MAPKAPK5: variants seen among roughly 807,000 people sequenced by gnomAD.
The protein encoded by MAPKAPK5 is MAP kinase-activated protein kinase 5.
Under a neutral mutation model 65.1 loss-of-function variants are expected in MAPKAPK5, and 30 were observed. The observed-to-expected ratio is 0.46, with a 90% confidence interval of 0.34 to 0.63. The LOEUF (loss-of-function observed/expected upper bound fraction) is 0.63. MAPKAPK5 is among the 20% of genes least tolerant of loss of function. The pLI is 0.01. For missense variants in MAPKAPK5, 433 were observed against 581.4 expected (o/e 0.74, Z 2.63); for synonymous variants, 179 against 204.6 (o/e 0.87, Z 1.07).
Position 111,899,787 on chromosome 12 carries a change from A to C in MAPKAPK5, c.*6726A>C. On this transcript the variant is annotated 3_prime_UTR_variant, in exon 14 of 14. Coordinates refer to ENST00000550735, the MANE Select transcript of MAPKAPK5 (RefSeq NM_003668.4). ...CAGGGGCACATCCTCCTGATTAAGGAGGAAAAATCTTACAGCATTGAGCCC... is the reference window on the plus strand; with the variant it reads ...CAGGGGCACATCCTCCTGATTAAGGCGGAAAAATCTTACAGCATTGAGCCC... 4 of 384,560 alleles carry C rather than the reference A, an allele frequency of 1.0e-5. No homozygotes were observed. Among genetic ancestry groups the C allele is most frequent in the South Asian group, 7.5e-5 (4 of 53,364 alleles). The allele number at this position is 384,560 out of a possible 1,614,324, so 23.8% of individuals were successfully genotyped here. A position where few individuals can be genotyped will look rare whatever the true frequency, so the allele number is the denominator to read the frequency against.
chr12:111,842,874 A>G, intron 1 of MAPKAPK5, 105 bp downstream of exon 1: 2 of 1,143,406 alleles, frequency 1.7e-6, no homozygotes, highest in Non-Finnish European at 2.2e-6. Flanking sequence ...TCCATCGACT[A>G]CCGGGTTTCG....
intron 1 of MAPKAPK5, among the ~76,000 whole-genome samples, chr12:111,860,538 C>T (rs1411185605): frequency 1.3e-5 from 2 of 152,170 alleles, no homozygotes; most frequent in Non-Finnish European, 2.9e-5. Flanking sequence ...TTCTTCCTCA[C>T]CCCAAATTGA....
chr12:111,873,270 T>G (rs562294763), intron 7 of MAPKAPK5, among the ~76,000 whole-genome samples: 1 of 152,310 alleles, frequency 6.6e-6, no homozygotes, highest in African/African-American at 2.4e-5. Context: ...TGGTAAAATG[T>G]TTTTTACAAA....
rs544183632 is a variant in MAPKAPK5, at chr12:111,864,144, G to A, written c.37-1106G>A. Reference sequence around the variant, plus strand: ...AAAAAAATTAGCCAGATGCTGTGGTGTGTGCCTGTTTTCCTAGTTACTTGG... The same window carrying A: ...AAAAAAATTAGCCAGATGCTGTGGTATGTGCCTGTTTTCCTAGTTACTTGG... On this transcript the variant is annotated intron_variant, in intron 1 of 13. Coordinates refer to ENST00000550735, the MANE Select transcript of MAPKAPK5 (RefSeq NM_003668.4). Among the ~76,000 whole-genome samples the A allele has an allele frequency of 9.2e-5, 14 of 152,082 alleles. No homozygotes were observed. The South Asian group carries it at 2.9e-3, about 32-fold the overall frequency.
At chr12:111,874,910 G>A (rs1185592622) in intron 7 of MAPKAPK5, among the ~76,000 whole-genome samples, 1 of 151,680 alleles carries the variant, frequency 6.6e-6, no homozygotes, top group Non-Finnish European at 1.5e-5. Flanking sequence ...GAGTAGCTGG[G>A]ACTACAGGCG....
rs1019526484 is a variant in MAPKAPK5 at position 111,883,727 on chromosome 12, G to A, written c.807G>A (p.Glu269=). The A allele has an allele frequency of 5.6e-6, 9 of 1,613,892 alleles. No individual in the cohort carries two copies. In the African/African-American group the frequency reaches 8.0e-5, roughly 14 times the overall value. ...GCAGTTTTGAGTTCCCAGAGGAAGA[G>A]TGGAGTCAGATCTCAGAGATGGCCA... ...MTGSFEFPEE[E]WSQISEMAKD... Residue 269 remains glutamate, a synonymous_variant, in exon 9 of 14, where the codon GAG becomes GAA. Transcript: ENST00000550735. The surrounding 1 kb of genome is among the most constrained non-coding windows in gnomAD (Gnocchi z 4.8).
At chr12:111,868,451 TGGGAAA>T (rs2069677890) in intron 4 of MAPKAPK5, among the ~76,000 whole-genome samples, 1 of 151,938 alleles carries the variant, frequency 6.6e-6, no homozygotes, top group Non-Finnish European at 1.5e-5. Flanking sequence ...TAAAAACAAA[TGGGAAA>T]TCAAACAAAT....
chr12:111,897,808 T>C lies in MAPKAPK5; in HGVS notation c.*4747T>C, dbSNP rs1252104840. 1.3e-5 allele frequency: 2 copies of C among 152,172 alleles called. No homozygotes were observed. Among genetic ancestry groups the C allele is most frequent in the Non-Finnish European group, 2.9e-5 (2 of 68,032 alleles). 9.4% of individuals were successfully genotyped at this position (152,172 alleles called of 1,614,324 possible). ...TCTCATGCTGTTATCTAAGATCTTA[T>C]GCTACCATTACATTCCTTTCTGTAG... is the stretch of plus-strand genomic sequence containing the variant. On this transcript the variant is annotated 3_prime_UTR_variant, in exon 14 of 14. Transcript: ENST00000550735.
intron 1 of MAPKAPK5, among the ~76,000 whole-genome samples, chr12:111,848,649 G>A (rs534671339): frequency 3.3e-5 from 5 of 151,704 alleles, no homozygotes; most frequent in African/African-American, 9.7e-5. Flanking sequence ...CTGACCTCAG[G>A]TGATTGCCCA....
At chr12:111,890,767 C>G (rs2070576144) in intron 13 of MAPKAPK5, among the ~76,000 whole-genome samples, 1 of 152,184 alleles carries the variant, frequency 6.6e-6, no homozygotes, top group South Asian at 2.1e-4. Context: ...AAGTGATTCT[C>G]CTGCCTCAGC....
chr12:111,875,417 A>T (rs1398785631), intron 7 of MAPKAPK5, among the ~76,000 whole-genome samples: 1 of 152,094 alleles, frequency 6.6e-6, no homozygotes, highest in African/African-American at 2.4e-5. Flanking sequence ...TTTTTAAAAT[A>T]TTCCACTTCT....
rs1341172051 is a variant in MAPKAPK5, at chr12:111,900,835, C to A, written c.*7774C>A. 4.4e-6 allele frequency: 2 copies of A among 456,054 alleles called. No individual in the cohort carries two copies. The highest frequency in any genetic ancestry group is 3.3e-4 in the Middle Eastern group (1 of 3,070). The allele number at this position is 456,054 out of a possible 1,614,324, so 28.3% of individuals were successfully genotyped here. A position where few individuals can be genotyped will look rare whatever the true frequency, so the allele number is the denominator to read the frequency against. Reference sequence around the variant, plus strand: ...AAGCAAGATGGCTCAAAATGTCATACAATTTACGAGTGCCTTAAAGTTCAT... The same window carrying A: ...AAGCAAGATGGCTCAAAATGTCATAAAATTTACGAGTGCCTTAAAGTTCAT... On this transcript the variant is annotated 3_prime_UTR_variant, in exon 14 of 14. Coordinates refer to ENST00000550735, the MANE Select transcript of MAPKAPK5 (RefSeq NM_003668.4).
intron 8 of MAPKAPK5, among the ~76,000 whole-genome samples, chr12:111,882,176 C>T (rs1368506049): frequency 6.6e-6 from 1 of 152,146 alleles, no homozygotes; most frequent in South Asian, 2.1e-4. Flanking sequence ...GTCAGGAGAT[C>T]GAGACCATCC....
At chr12:111,873,719 A>T (rs1246037136) in intron 7 of MAPKAPK5, among the ~76,000 whole-genome samples, 1 of 152,154 alleles carries the variant, frequency 6.6e-6, no homozygotes, top group Non-Finnish European at 1.5e-5. Context: ...TTTGTTTAAT[A>T]TATGTATGTG....
chr12:111,867,766 T>G (rs2069660249), intron 4 of MAPKAPK5, 97 bp downstream of exon 4: 1 of 868,706 alleles, frequency 1.2e-6, no homozygotes. Context: ...TTCCCTCTCC[T>G]TCTTCCTCCT....
chr12:111,859,687 T>C (rs1423938695), intron 1 of MAPKAPK5, among the ~76,000 whole-genome samples: 1 of 148,128 alleles, frequency 6.8e-6, no homozygotes, highest in Non-Finnish European at 1.5e-5. Context: ...TTCGCTCTTG[T>C]TGCCCAGGCT....
chr12:111,901,675 GGAA>G lies in MAPKAPK5; in HGVS notation c.*8620_*8622del. 1 of 263,406 alleles carries G rather than the reference GGAA, an allele frequency of 3.8e-6. No homozygotes were observed. The highest frequency in any genetic ancestry group is 7.5e-6 in the Non-Finnish European group (1 of 134,088). The allele number at this position is 263,406 out of a possible 1,614,324, so 16.3% of individuals were successfully genotyped here. ...AGGAAGAAAAAGAAGAGGAGGAGGA[GGAA>G]GAAGAGGAGGAAGAATCAGATTCCT... is the stretch of plus-strand genomic sequence containing the variant. On this transcript the variant is annotated 3_prime_UTR_variant, in exon 14 of 14. Coordinates refer to ENST00000550735, the MANE Select transcript of MAPKAPK5 (RefSeq NM_003668.4).
At chr12:111,851,633 T>G (rs1189832466) in intron 1 of MAPKAPK5, among the ~76,000 whole-genome samples, 2 of 152,180 alleles carry the variant, frequency 1.3e-5, no homozygotes. Flanking sequence ...GTCCAGGACT[T>G]TCAAGACTCA....
rs1354684811 is a variant in MAPKAPK5 at position 111,896,212 on chromosome 12, A to G, written c.*3151A>G. On this transcript the variant is annotated 3_prime_UTR_variant, in exon 14 of 14. Transcript: ENST00000550735. ...TTATTTTTTCCTTCAGTGTATGCTG[A>G]ATTTTAGGTGCGATGGAAAAGGTAT... The G allele has an allele frequency of 6.6e-6, 1 of 152,116 alleles. No individual in the cohort carries two copies. The highest frequency in any genetic ancestry group is 1.5e-5 in the Non-Finnish European group (1 of 68,006). The allele number at this position is 152,116 out of a possible 1,614,324, so 9.4% of individuals were successfully genotyped here.
Sources: gnomAD v4.1 joint callset for allele counts (sites outside exome capture counted in the v4.1 genomes callset) on GRCh38, gnomAD v4.1.1 for gene constraint, Gnocchi (gnomAD v3.1) non-coding constraint, MANE v1.5 for transcripts, NCBI Gene and HGNC (gene_info 2026-07-23, HGNC 2026-07-21) for gene names.